Variants in KIF15 observed in about 807,000 individuals in gnomAD.
KIF15 encodes the protein kinesin family member 15, also known as kinesin-like protein KIF15.
In KIF15, 140 loss-of-function variants were observed where a neutral mutation model predicts 190.6. That is an observed-to-expected ratio of 0.73 (90% CI 0.64 to 0.84). KIF15 has a LOEUF of 0.84. Among genes scored for constraint, KIF15 ranks in the 40% least tolerant of loss-of-function variants. The probability of loss-of-function intolerance (pLI) is 0.00; values close to 1 mark genes in which losing one functional copy is unlikely to be tolerated. For missense variants in KIF15, 1,372 were observed against 1,584.4 expected, an observed-to-expected ratio of 0.87 and a Z score of 2.28; for synonymous variants, 528 against 551.3, an observed-to-expected ratio of 0.96 and a Z score of 0.59.
At chr3:44,794,176 T>C in intron 7 of KIF15, 41 bp from the exon 8 acceptor site, 1 of 1,533,018 alleles carries the variant, frequency 6.5e-7, no homozygotes, top group South Asian at 1.2e-5. Flanking sequence ...CCACTGTAAC[T>C]GGTCCTCTCA....
chr3:44,854,054 T>C (rs189937313), downstream of KIF15, among the ~76,000 whole-genome samples: 111 of 152,240 alleles, frequency 7.3e-4, no homozygotes, highest in African/African-American at 2.6e-3. Flanking sequence ...TAAAATTGCT[T>C]TGTGATGATG....
At chr3:44,809,926 G>T (rs1707713832) in intron 16 of KIF15, among the ~76,000 whole-genome samples, 1 of 152,092 alleles carries the variant, frequency 6.6e-6, no homozygotes, top group African/African-American at 2.4e-5. Flanking sequence ...AATTAACCAG[G>T]CATGGTGGTG....
At chr3:44,856,136 A>G (rs1184493597), downstream of KIF15, among the ~76,000 whole-genome samples, 3 of 152,212 alleles carry the variant, frequency 2.0e-5, no homozygotes, top group African/African-American at 7.2e-5. Flanking sequence ...GGCGGACAAA[A>G]GGGAAGAAAT....
intron 7 of KIF15, 146 bp downstream of exon 7, chr3:44,786,720 A>G: frequency 5.1e-6 from 3 of 584,774 alleles, no homozygotes; most frequent in Non-Finnish European, 8.1e-6. Flanking sequence ...AGATAAAATA[A>G]TATGGCAGTA....
intron 20 of KIF15, among the ~76,000 whole-genome samples, chr3:44,821,796 G>A (rs573202221): frequency 1.3e-5 from 2 of 152,356 alleles, no homozygotes; most frequent in South Asian, 2.1e-4. Context: ...AGGTTGTAGC[G>A]AGCTGAGATC....
intron 18 of KIF15, 76 bp from the exon 19 acceptor site, chr3:44,812,999 A>G: frequency 1.1e-6 from 1 of 873,306 alleles, no homozygotes; most frequent in South Asian, 1.6e-5. Context: ...AAAAAAAAAG[A>G]AACAGGTTAA....
At chr3:44,789,673 T>TATAC (rs1706585914) in intron 7 of KIF15, among the ~76,000 whole-genome samples, 1 of 38,600 alleles carries the variant, frequency 2.6e-5, no homozygotes, top group Non-Finnish European at 6.9e-5. Flanking sequence ...TATATATATA[T>TATAC]ATATATATAT....
In KIF15 at chr3:44,829,374, ATGTGTGTGTGTG is replaced by A. The variant is rs547572565; in HGVS notation, c.2944-583_2944-572del. 7.5e-3 allele frequency among the ~76,000 whole-genome samples: 1,023 copies of A among 136,828 alleles called. 17 individuals are homozygous for A. Among genetic ancestry groups the A allele is most frequent in the African/African-American group, 0.027 (977 of 36,604 alleles). The allele number at this position is 136,828 out of a possible 152,430, so 89.8% of individuals were successfully genotyped here. A position where few individuals can be genotyped will look rare whatever the true frequency, so the allele number is the denominator to read the frequency against. On this transcript the variant is annotated intron_variant, in intron 24 of 34. Transcript: ENST00000326047. ...TCCATCTCAAAAAATATATATATAT[ATGTGTGTGTGTG>A]TGTGTGTGTGTGTATGTATATATAT...
chr3:44,800,263 A>G (rs746591762), intron 10 of KIF15, 51 bp from the exon 11 acceptor site: 5 of 1,563,406 alleles, frequency 3.2e-6, no homozygotes, highest in Admixed American at 1.7e-5. Flanking sequence ...ACACAGGACT[A>G]TACTACTCAA....
chr3:44,795,680 TTA>T (rs34530784), intron 8 of KIF15, among the ~76,000 whole-genome samples: 76,284 of 149,954 alleles, frequency 0.51, 19,693 homozygotes, highest in East Asian at 0.82. Context: ...CAATATGTGT[TTA>T]TATATATATA....
intron 4 of KIF15, 133 bp from the exon 5 acceptor site, chr3:44,780,752 A>C: frequency 7.1e-6 from 4 of 560,056 alleles, no homozygotes; most frequent in Admixed American, 3.4e-5. Context: ...TTCACTTTTT[A>C]TCTAATAGAA....
At chr3:44,776,027 C>T (rs887336521) in intron 3 of KIF15, among the ~76,000 whole-genome samples, 5 of 149,686 alleles carry the variant, frequency 3.3e-5, no homozygotes, top group East Asian at 2.0e-4. Flanking sequence ...TTGCAGTGAG[C>T]GGAGATCGCA....
At chr3:44,776,799 T>C (rs1024691253) in intron 3 of KIF15, among the ~76,000 whole-genome samples, 6 of 152,238 alleles carry the variant, frequency 3.9e-5, no homozygotes, top group Non-Finnish European at 7.3e-5. Flanking sequence ...CAAATGTGAC[T>C]ATATGAGTTT....
intron 14 of KIF15, among the ~76,000 whole-genome samples, chr3:44,804,412 C>T (rs554752785): frequency 9.2e-5 from 14 of 152,256 alleles, no homozygotes; most frequent in Non-Finnish European, 1.5e-4. Flanking sequence ...TAGATGATAC[C>T]GGGTTCTTAC....
chr3:44,829,720 T>TTATAGATGTATATATTA (rs1697956108), intron 24 of KIF15, among the ~76,000 whole-genome samples: 1 of 135,880 alleles, frequency 7.4e-6, no homozygotes, highest in African/African-American at 2.8e-5. Context: ...TGTATATATA[T>TTATAGATGTATATATTA]TATAGATGTA....
At chr3:44,792,068 T>TCC (rs1706735083) in intron 7 of KIF15, among the ~76,000 whole-genome samples, 1 of 151,460 alleles carries the variant, frequency 6.6e-6, no homozygotes, top group African/African-American at 2.4e-5. Flanking sequence ...TTGGAGGATC[T>TCC]CTCTCTCTCT....
At chr3:44,813,028 A>G in intron 18 of KIF15, 47 bp from the exon 19 acceptor site, 2 of 1,025,470 alleles carry the variant, frequency 2.0e-6, no homozygotes, top group East Asian at 2.6e-5. Flanking sequence ...AGTGCATCTT[A>G]GCATGCCAGT....
At position 44,826,170 on chromosome 3, in the gene KIF15, C is replaced by T; in HGVS notation, c.2681C>T (p.Thr894Ile). The T allele has an allele frequency of 6.3e-7, 1 of 1,576,222 alleles. No individual in the cohort carries two copies. Among genetic ancestry groups the T allele is most frequent in the South Asian group, 1.2e-5 (1 of 83,810 alleles). Residue 894 changes from threonine (T) to isoleucine (I), a missense_variant, in exon 21 of 35, where the codon ACT becomes ATT. Coordinates refer to ENST00000326047, the MANE Select transcript of KIF15 (RefSeq NM_020242.3). Reference protein sequence around the residue: ...NLQNFKKENETLKSDLNNLME... With the variant: ...NLQNFKKENEILKSDLNNLME... Reference sequence around the variant, plus strand: ...CAAAACTTCAAAAAAGAAAATGAAACTCTGAAATCTGATCTGAATGTATGT... The same window carrying T: ...CAAAACTTCAAAAAAGAAAATGAAATTCTGAAATCTGATCTGAATGTATGT...
chr3:44,767,161 A>G (rs1280093306), intron 1 of KIF15, among the ~76,000 whole-genome samples: 4 of 152,090 alleles, frequency 2.6e-5, no homozygotes, highest in African/African-American at 9.7e-5. Flanking sequence ...GGTCAGTGGA[A>G]TTCCTCATAA....
Sources: allele counts gnomAD v4.1 joint callset (sites outside exome capture counted in the v4.1 genomes callset), GRCh38; gene constraint gnomAD v4.1.1; transcripts MANE v1.5; gene names NCBI Gene and HGNC (gene_info 2026-07-23, HGNC 2026-07-21).